Variants in RAB36 observed in about 807,000 individuals in gnomAD.
RAB36 encodes the protein ras-related protein Rab-36.
RAB36 carries 33 observed loss-of-function variants against 39.3 expected under a neutral mutation model. The ratio of observed to expected loss-of-function variants is 0.84; its 90% CI spans 0.64 to 1.12. The LOEUF (loss-of-function observed/expected upper bound fraction) is 1.12. Among genes scored for constraint, RAB36 ranks in the 50% most tolerant of loss-of-function variants. RAB36 has a pLI of 0.00. For missense variants in RAB36, 308 were observed against 355.3 expected (o/e 0.87, Z 1.07); for synonymous variants, 133 against 140.2 (o/e 0.95, Z 0.36).
chr22:23,157,499 T>C (rs953038813), intron 6 of RAB36, among the ~76,000 whole-genome samples: 6 of 152,110 alleles, frequency 3.9e-5, no homozygotes, highest in Non-Finnish European at 5.9e-5. Flanking sequence ...GACTTAGTGA[T>C]CCACCCGCCT....
chr22:23,167,883 C>T (rs536610865), downstream of RAB36, among the ~76,000 whole-genome samples: 1 of 151,936 alleles, frequency 6.6e-6, no homozygotes, highest in Non-Finnish European at 1.5e-5. Context: ...GATGGGGTCT[C>T]GCATTGTTAC....
Position 23,153,462 on chromosome 22 carries a change from C to T in RAB36, c.329+328C>T, listed in dbSNP as rs118105377. The T allele has an allele frequency of 1.3e-4, 81 of 602,926 alleles. No homozygotes were observed. The East Asian group carries it at 7.9e-3, about 59-fold the overall frequency. The allele number at this position is 602,926 out of a possible 1,614,324, so 37.3% of individuals were successfully genotyped here. On this transcript the variant is annotated intron_variant, in intron 5 of 10. Coordinates refer to ENST00000263116, the MANE Select transcript of RAB36 (RefSeq NM_004914.5). ...CTGACCTAGGCCTCCTGTGATCCCA[C>T]TCACCAGGCCAGCAGGGTGGCCTCC...
downstream of RAB36, among the ~76,000 whole-genome samples, chr22:23,166,379 T>C (rs568445958): frequency 6.7e-6 from 1 of 150,162 alleles, no homozygotes; most frequent in East Asian, 2.0e-4. Context: ...GGGTGCAATA[T>C]AGGGAACTAA....
chr22:23,150,511 C>T (rs527907843), intron 3 of RAB36, among the ~76,000 whole-genome samples: 62 of 152,074 alleles, frequency 4.1e-4, no homozygotes, highest in Non-Finnish European at 6.6e-4. Context: ...CCATGTTAGC[C>T]AGGATGGTCT....
intron 2 of RAB36, among the ~76,000 whole-genome samples, chr22:23,147,432 C>G (rs1277349817): frequency 6.6e-6 from 1 of 152,038 alleles, no homozygotes; most frequent in Non-Finnish European, 1.5e-5. Flanking sequence ...TGGGCTGAAG[C>G]AATCCTTCTG....
At chr22:23,157,480 T>G (rs1430611383) in intron 6 of RAB36, among the ~76,000 whole-genome samples, 1 of 152,054 alleles carries the variant, frequency 6.6e-6, no homozygotes, top group African/African-American at 2.4e-5. Context: ...AGGATGGTCT[T>G]GATCTCCTGA....
rs961946926 is a variant in RAB36, at chr22:23,164,108, T to C, written c.*2544T>C. On this transcript the variant is annotated 3_prime_UTR_variant, in exon 11 of 11. Coordinates refer to ENST00000263116, the MANE Select transcript of RAB36 (RefSeq NM_004914.5). ...GCAGCCTGTGGTCGGGCAGACAGCATTGGGGTCCATTAGGAAGACCAGGTT... is the reference window on the plus strand; with the variant it reads ...GCAGCCTGTGGTCGGGCAGACAGCACTGGGGTCCATTAGGAAGACCAGGTT... 6.6e-5 allele frequency: 10 copies of C among 152,360 alleles called. No individual in the cohort carries two copies. Among genetic ancestry groups the C allele is most frequent in the South Asian group, 2.1e-4 (1 of 4,826 alleles). The allele number at this position is 152,360 out of a possible 1,614,324, so 9.4% of individuals were successfully genotyped here.
At chr22:23,157,857 G>A in intron 6 of RAB36, 135 bp from the exon 7 acceptor site, 2 of 1,549,820 alleles carry the variant, frequency 1.3e-6, no homozygotes, top group Non-Finnish European at 1.7e-6. Context: ...AGCCTTCATT[G>A]TAGGAGGTTC....
chr22:23,156,354 G>C, intron 6 of RAB36: 1 of 260,278 alleles, frequency 3.8e-6, no homozygotes, highest in South Asian at 3.6e-5. Context: ...CTGGACTCCA[G>C]GGGGAGGTCG....
chr22:23,161,000 T>C lies in RAB36; in HGVS notation c.739+2T>C, dbSNP rs1167938944. On this transcript the variant is annotated splice_donor_variant, in intron 10 of 10. Coordinates refer to ENST00000263116, the MANE Select transcript of RAB36 (RefSeq NM_004914.5). LOFTEE classifies it high-confidence loss of function. ...AGGTCGGCAATGGAGACCTAATCCG[T>C]GAGTATAGGTGTGACTGGGTTGGGC... 1.3e-6 allele frequency: 2 copies of C among 1,596,932 alleles called. No homozygotes were observed. Among genetic ancestry groups the C allele is most frequent in the Non-Finnish European group, 1.7e-6 (2 of 1,167,520 alleles).
chr22:23,165,847 T>TA (rs2072036358), downstream of RAB36, among the ~76,000 whole-genome samples: 1 of 152,078 alleles, frequency 6.6e-6, no homozygotes, highest in Admixed American at 6.6e-5. Flanking sequence ...GGCTGGTTTC[T>TA]AAAAAGGACT....
At chr22:23,146,551 T>G (rs2070784207) in intron 1 of RAB36, 54 bp from the exon 2 acceptor site, 2 of 1,591,310 alleles carry the variant, frequency 1.3e-6, no homozygotes, top group Non-Finnish European at 1.7e-6. Context: ...CATGGGTGAA[T>G]CCCCAGGTAT....
chr22:23,150,463 G>A (rs978555159), intron 3 of RAB36, among the ~76,000 whole-genome samples: 2 of 151,832 alleles, frequency 1.3e-5, no homozygotes, highest in East Asian at 1.9e-4. Context: ...CACCACGCCC[G>A]GCTAATTTTT....
intron 6 of RAB36, among the ~76,000 whole-genome samples, 168 bp from the exon 7 acceptor site, chr22:23,157,824 C>T (rs1356963358): frequency 6.6e-6 from 1 of 152,226 alleles, no homozygotes; most frequent in Non-Finnish European, 1.5e-5. Context: ...CGGTGGGGGA[C>T]AGCCATGGGG....
Position 23,152,473 on chromosome 22 carries a change from C to T in RAB36, c.174C>T (p.Ser58=), listed in dbSNP as rs544317246. 177 of 1,614,206 alleles carry T rather than the reference C, an allele frequency of 1.1e-4. 2 individuals are homozygous for T. In the South Asian group the frequency reaches 1.8e-3, roughly 16 times the overall value. The part of the protein sequence containing the change: ...RNTGTVGLKL[S]KVVVVGDLYV... Reference sequence around the variant, plus strand: ...ATATTTCTCACAGGCTCAAACTCTCCAAGGTGGTGGTGGTTGGCGATCTCT... The same window carrying T: ...ATATTTCTCACAGGCTCAAACTCTCTAAGGTGGTGGTGGTTGGCGATCTCT... Residue 58 remains serine (S), a synonymous_variant, in exon 4 of 11, where the codon TCC becomes TCT. Transcript: ENST00000263116.
chr22:23,147,472 A>G (rs1479272213), intron 2 of RAB36, among the ~76,000 whole-genome samples: 2 of 152,018 alleles, frequency 1.3e-5, no homozygotes, highest in Non-Finnish European at 2.9e-5. Flanking sequence ...CTAGGACCAC[A>G]GGCATGTGCT....
chr22:23,158,155 AG>A (rs772292675), intron 7 of RAB36, 112 bp downstream of exon 7: 2 of 1,535,668 alleles, frequency 1.3e-6, no homozygotes, highest in Non-Finnish European at 1.7e-6. Flanking sequence ...GTGAGTGACC[AG>A]GGCCCCTTGT....
chr22:23,166,172 AAAAAAGG>A (rs1360688524), downstream of RAB36, among the ~76,000 whole-genome samples: 5 of 146,202 alleles, frequency 3.4e-5, no homozygotes, highest in African/African-American at 1.3e-4. Context: ...AAAAAAAAAA[AAAAAAGG>A]AGTGTTTCCA....
At chr22:23,152,569 C>G in intron 4 of RAB36, 43 bp downstream of exon 4, 1 of 1,583,650 alleles carries the variant, frequency 6.3e-7, no homozygotes, top group Middle Eastern at 1.7e-4. Context: ...CCCCCAGCAC[C>G]AGGTTGTCAT....
Sources: gnomAD v4.1 joint callset for allele counts (sites outside exome capture counted in the v4.1 genomes callset) on GRCh38, gnomAD v4.1.1 for gene constraint, MANE v1.5 for transcripts, NCBI Gene and HGNC (gene_info 2026-07-23, HGNC 2026-07-21) for gene names.